The following NOS3 variants were observed in gnomAD, a reference collection of about 807,000 sequenced individuals.
NOS3 encodes NOS type III.
In NOS3, 98 loss-of-function variants were observed where a neutral mutation model predicts 144.9. The ratio of observed to expected loss-of-function variants is 0.68; its 90% CI spans 0.57 to 0.80. The LOEUF is 0.80. Among genes scored for constraint, NOS3 ranks in the 30% least tolerant of loss-of-function variants. NOS3 has a pLI of 0.00. For missense variants in NOS3, 1,465 were observed against 1,656.4 expected (o/e 0.88, Z 2.01); for synonymous variants, 714 against 702.4 (o/e 1.02, Z -0.26).
In NOS3 at chr7:151,010,739, G is replaced by A; in HGVS notation, c.2828G>A (p.Ser943Asn). Residue 943 changes from serine (S) to asparagine (N), a missense_variant, in exon 22 of 27, where the codon AGC (serine) becomes AAC (asparagine). This residue lies in a region of NOS3 where 106 missense variants were observed against 167.7 expected (regional missense o/e 0.63). Coordinates refer to ENST00000297494, the MANE Select transcript of NOS3 (RefSeq NM_000603.5). ...CTCCAGCCCCGGTACTACTCAGTCAGCTCGGCACCCAGCACCCACCCAGGA... is the reference window on the plus strand; with the variant it reads ...CTCCAGCCCCGGTACTACTCAGTCAACTCGGCACCCAGCACCCACCCAGGA... ...PLLQPRYYSV[S>N]SAPSTHPGEI... The A allele has an allele frequency of 6.2e-7, 1 of 1,613,440 alleles. No individual in the cohort carries two copies. Among genetic ancestry groups the A allele is most frequent in the Non-Finnish European group, 8.5e-7 (1 of 1,179,756 alleles).
At position 150,993,773 on chromosome 7, in the gene NOS3, G is replaced by A; in HGVS notation, c.-31G>A. ...CTAAGGAAAAGGCCAGGGCTCTGCT[G>A]GAGCAGGCAGCAGAGTGGACGCACA... On this transcript the variant is annotated 5_prime_UTR_variant, in exon 2 of 27. Transcript: ENST00000297494. The surrounding 1 kb of genome is among the most constrained non-coding windows in gnomAD (Gnocchi z 4.0). The A allele has an allele frequency of 6.4e-7, 1 of 1,572,902 alleles. No individual in the cohort carries two copies. The highest frequency in any genetic ancestry group is 1.2e-5 in the South Asian group (1 of 84,952).
Position 150,998,301 on chromosome 7 carries a change from T to C in NOS3, c.583-56T>C. ...CCAGCAGCTCCTCTGGAGCTGATAC[T>C]CAAGACCCCCCGTCTCTCTCCTCAC... On this transcript the variant is annotated intron_variant, in intron 5 of 26. Transcript: ENST00000297494. The surrounding 1 kb of genome is among the most constrained non-coding windows in gnomAD (Gnocchi z 5.0). 2 of 1,521,348 alleles carry C rather than the reference T, an allele frequency of 1.3e-6. No individual in the cohort carries two copies. Among genetic ancestry groups the C allele is most frequent in the Non-Finnish European group, 1.8e-6 (2 of 1,111,226 alleles). The allele number at this position is 1,521,348 out of a possible 1,614,324, so 94.2% of individuals were successfully genotyped here.
rs1463307169 is a variant in NOS3, at chr7:151,012,231, T to TG, written c.2985-120_2985-119insG. 7 of 915,462 alleles carry TG rather than the reference T, an allele frequency of 7.6e-6. No individual in the cohort carries two copies. In the African/African-American group the frequency reaches 1.2e-4, roughly 15 times the overall value. 56.7% of individuals were successfully genotyped at this position (915,462 alleles called of 1,614,324 possible). A position where few individuals can be genotyped will look rare whatever the true frequency, so the allele number is the denominator to read the frequency against. The stretch of plus-strand genomic sequence containing the variant: ...GAGTTGTTTTTTGTTTTTTGTTTTT[T>TG]TTTTAATTTTTTTTTGAGATGGGAA... On this transcript the variant is annotated intron_variant, in intron 23 of 26. Coordinates refer to ENST00000297494, the MANE Select transcript of NOS3 (RefSeq NM_000603.5).
At position 150,999,051 on chromosome 7, in the gene NOS3, G is replaced by C. The variant is rs369489094; in HGVS notation, c.922G>C (p.Glu308Gln). ...CCCAGAACTCTTCCTTCTGCCCCCC[G>C]AGCTGGTCCTTGAGGTGCCCCTGGA... is the stretch of plus-strand genomic sequence containing the variant. Reference protein sequence around the residue: ...DPPELFLLPPELVLEVPLEHP... With the variant: ...DPPELFLLPPQLVLEVPLEHP... The change falls in exon 8 of 27, where the codon GAG becomes CAG. Residue 308 changes from glutamate (E) to glutamine (Q), a missense_variant. By Grantham distance (29) the Glu-to-Gln change is conservative. Transcript: ENST00000297494. The C allele has an allele frequency of 1.2e-5, 19 of 1,612,588 alleles. No individual in the cohort carries two copies. The highest frequency in any genetic ancestry group is 1.5e-5 in the Non-Finnish European group (18 of 1,179,896).
chr7:151,006,013 C>A (rs547617112), intron 14 of NOS3, among the ~76,000 whole-genome samples: 96 of 152,298 alleles, frequency 6.3e-4, no homozygotes, highest in African/African-American at 2.3e-3. Context: ...CAGAGCAAGA[C>A]CCATATCTAA....
At position 151,006,874 on chromosome 7, in the gene NOS3, G is replaced by T. The variant is rs368037419; in HGVS notation, c.1821-15G>T. The stretch of plus-strand genomic sequence containing the variant: ...AGGGCCCTGTGACAACCTTGTCTTT[G>T]TCCTCTCTTGCCAGGAGTTATAAGA... On this transcript the variant is annotated splice_polypyrimidine_tract_variant and intron_variant, in intron 15 of 26. Coordinates refer to ENST00000297494, the MANE Select transcript of NOS3 (RefSeq NM_000603.5). The T allele has an allele frequency of 6.2e-7, 1 of 1,601,912 alleles. No individual in the cohort carries two copies. The highest frequency in any genetic ancestry group is 8.6e-7 in the Non-Finnish European group (1 of 1,169,430).
Position 150,996,485 on chromosome 7 carries a change from C to T in NOS3, c.352C>T (p.Pro118Ser), listed in dbSNP as rs1299928917. ...ACAGGGCCGGCCCTCCCCCGGCCCC[C>T]CGGCCCCTGAGCAGCTGCTGAGTCA... ...KLQGRPSPGP[P>S]APEQLLSQAR... The change falls in exon 4 of 27, where the codon CCG becomes TCG. Residue 118 changes from proline (P) to serine (S), a missense_variant. Transcript: ENST00000297494. 6.2e-7 allele frequency: 1 copy of T among 1,602,356 alleles called. No homozygotes were observed. The highest frequency in any genetic ancestry group is 1.4e-5 in the African/African-American group (1 of 73,218).
chr7:151,009,995 A>ACAGGC, intron 20 of NOS3, 120 bp from the exon 21 acceptor site: 5 of 671,530 alleles, frequency 7.4e-6, no homozygotes, highest in Non-Finnish European at 1.3e-5. Context: ...GGCTACCTAG[A>ACAGGC]CAGGCCGACC....
In NOS3 at chr7:150,993,646, G is replaced by C. The variant is rs1037986494; in HGVS notation, c.-51-107G>C. 4 of 694,164 alleles carry C rather than the reference G, an allele frequency of 5.8e-6. No homozygotes were observed. In the African/African-American group the frequency reaches 7.4e-5, roughly 13 times the overall value. 43.0% of individuals were successfully genotyped at this position (694,164 alleles called of 1,614,324 possible). ...GCTGAGGCTTTAGAGCCTCCCAGCC[G>C]GGCTTGTTCCTGTCCCATTGTGTAT... On this transcript the variant is annotated intron_variant, in intron 1 of 26. Coordinates refer to ENST00000297494, the MANE Select transcript of NOS3 (RefSeq NM_000603.5). The surrounding 1 kb of genome is among the most constrained non-coding windows in gnomAD (Gnocchi z 4.0).
intron 5 of NOS3, 100 bp downstream of exon 5, chr7:150,997,025 C>A: frequency 7.4e-7 from 1 of 1,346,272 alleles, no homozygotes; most frequent in Non-Finnish European, 1.0e-6. Context: ...AGGTCCCAAA[C>A]TGTGGGGGAG....
Position 151,010,306 on chromosome 7 carries a change from G to C in NOS3, c.2685+19G>C. On this transcript the variant is annotated intron_variant, in intron 21 of 26. Transcript: ENST00000297494. ...CAGCCAGGTTGGGGGCCACCCCAAT[G>C]AGGCACAGGGGCTAGAGAGACGGGA... is the stretch of plus-strand genomic sequence containing the variant. 3.7e-6 allele frequency: 6 copies of C among 1,605,504 alleles called. No individual in the cohort carries two copies. Among genetic ancestry groups the C allele is most frequent in the Non-Finnish European group, 5.1e-6 (6 of 1,175,326 alleles).
In NOS3 at chr7:151,013,837, C is replaced by T. The variant is rs1192099793; in HGVS notation, c.3369C>T (p.Val1123=). 2 of 1,607,152 alleles carry T rather than the reference C, an allele frequency of 1.2e-6. No homozygotes were observed. The highest frequency in any genetic ancestry group is 1.3e-5 in the African/African-American group (1 of 74,888). Residue 1123 remains valine, a synonymous_variant, in exon 26 of 27, where the codon GTC becomes GTT. Transcript: ENST00000297494. ...VCGDVTMATN[V]LQTVQRILAT... is the part of the protein sequence containing the mutation. ...GCGATGTTACCATGGCAACCAACGT[C>T]CTGCAGACCGTGCAGCGCATCCTGG...
At chr7:151,006,628 C>T in intron 15 of NOS3, 134 bp downstream of exon 15, 1 of 793,116 alleles carries the variant, frequency 1.3e-6, no homozygotes, top group East Asian at 2.5e-5. Flanking sequence ...CCAGGATGCC[C>T]TCCATTCCAG....
intron 19 of NOS3, 62 bp downstream of exon 19, chr7:151,009,329 C>T: frequency 2.4e-6 from 3 of 1,265,844 alleles, no homozygotes; most frequent in Middle Eastern, 1.9e-4. Flanking sequence ...CCTGGACCCT[C>T]CTCCTCCCAC....
intron 23 of NOS3, among the ~76,000 whole-genome samples, chr7:151,011,357 G>T (rs1795300035): frequency 2.4e-5 from 2 of 83,358 alleles, no homozygotes; most frequent in South Asian, 6.7e-4. Context: ...ACTAGTTAGG[G>T]TTAAGACCAC....
rs528444796 is a variant in NOS3 at position 151,014,342 on chromosome 7, C to T, written c.*173C>T. The T allele has an allele frequency of 7.3e-4, 519 of 708,416 alleles. 1 individual carries two copies. The highest frequency in any genetic ancestry group is 1.0e-3 in the Non-Finnish European group (458 of 446,916). 43.9% of individuals were successfully genotyped at this position (708,416 alleles called of 1,614,324 possible). A position where few individuals can be genotyped will look rare whatever the true frequency, so the allele number is the denominator to read the frequency against. On this transcript the variant is annotated 3_prime_UTR_variant, in exon 27 of 27. Coordinates refer to ENST00000297494, the MANE Select transcript of NOS3 (RefSeq NM_000603.5). ...GGAAGGAGCAAAACGCCTCTTTTCC[C>T]TCTCTAGGCCTGTTGCCTCGGGCCT...
Position 151,014,133 on chromosome 7 carries a change from G to C in NOS3, c.3576G>C (p.Ala1192=). 6.2e-7 allele frequency: 1 copy of C among 1,611,012 alleles called. No homozygotes were observed. The highest frequency in any genetic ancestry group is 8.5e-7 in the Non-Finnish European group (1 of 1,178,054). ...AGTTGCGGGGCGCAGTGCCCTGGGC[G>C]TTCGACCCTCCCGGCTCAGACACCA... ...ERQLRGAVPW[A]FDPPGSDTNS... Residue 1192 remains alanine, a synonymous_variant, in exon 27 of 27, where the codon GCG becomes GCC. Transcript: ENST00000297494.
rs543032563 is a variant in NOS3 at position 150,993,113 on chromosome 7, C to T, written c.-51-640C>T. 1.3e-5 allele frequency among the ~76,000 whole-genome samples: 2 copies of T among 152,150 alleles called. No individual in the cohort carries two copies. The highest frequency in any genetic ancestry group is 6.5e-5 in the Admixed American group (1 of 15,282). ...CAGCTTCCTGCTCTTTTGTGTCCCC[C>T]ACTTGAGTCATGGGGGTGTGGGGGT... On this transcript the variant is annotated intron_variant, in intron 1 of 26. Transcript: ENST00000297494. The surrounding 1 kb of genome is among the most constrained non-coding windows in gnomAD (Gnocchi z 4.0).
intron 1 of NOS3, among the ~76,000 whole-genome samples, chr7:150,992,279 T>C (rs768977348): frequency 6.4e-4 from 98 of 152,270 alleles, no homozygotes; most frequent in Non-Finnish European, 1.3e-3. Context: ...ACATTTCAAA[T>C]GGTGGCTTAA....
Sources: allele counts gnomAD v4.1 joint callset (sites outside exome capture counted in the v4.1 genomes callset), GRCh38; gene constraint gnomAD v4.1.1; regional missense constraint gnomAD v4.1.1; non-coding constraint Gnocchi (gnomAD v3.1); transcripts MANE v1.5; gene names NCBI Gene and HGNC (gene_info 2026-07-23, HGNC 2026-07-21).